Variants in HECW2 observed in about 807,000 individuals in gnomAD.
HECW2 encodes the protein HECT, C2 and WW domain containing E3 ubiquitin protein ligase 2.
A neutral mutation model predicts 175.2 loss-of-function variants in HECW2; 61 were observed. The ratio of observed to expected loss-of-function variants is 0.35; its 90% CI spans 0.28 to 0.43. The LOEUF is 0.43. Among genes scored for constraint, HECW2 ranks in the 20% least tolerant of loss-of-function variants. The pLI is 1.00. For synonymous variants in HECW2, 671 were observed against 731.0 expected, an observed-to-expected ratio of 0.92 and a Z score of 1.32; for missense variants, 1,524 against 2,000.5, an observed-to-expected ratio of 0.76 and a Z score of 4.54.
intron 1 of HECW2, among the ~76,000 whole-genome samples, chr2:196,527,406 C>A (rs1688703958): frequency 2.0e-5 from 3 of 152,332 alleles, no homozygotes; most frequent in East Asian, 3.9e-4. Flanking sequence ...GAACCCGGTA[C>A]CTCAGATGGA....
intron 1 of HECW2, among the ~76,000 whole-genome samples, chr2:196,563,204 A>G (rs777927282): frequency 3.3e-5 from 5 of 152,218 alleles, no homozygotes; most frequent in African/African-American, 4.8e-5. Flanking sequence ...TTTGTGTAAA[A>G]TGTCTAAACC....
intron 27 of HECW2, among the ~76,000 whole-genome samples, chr2:196,216,331 A>C (rs1263295717): frequency 6.6e-6 from 1 of 152,130 alleles, no homozygotes; most frequent in Non-Finnish European, 1.5e-5. Context: ...TCCTTGATCA[A>C]TGTCGGGTGA....
At chr2:196,224,479 C>CAAGA (rs1333145683) in intron 23 of HECW2, among the ~76,000 whole-genome samples, 1 of 151,748 alleles carries the variant, frequency 6.6e-6, no homozygotes, top group East Asian at 1.9e-4. Context: ...TCAGGTACAC[C>CAAGA]AAGACTTAAG....
At chr2:196,215,369 A>G (rs114855672) in intron 28 of HECW2, among the ~76,000 whole-genome samples, 136 of 152,262 alleles carry the variant, frequency 8.9e-4, no homozygotes, top group African/African-American at 3.1e-3. Flanking sequence ...TTTTTTTTCT[A>G]TTCTAAGGAA....
intron 13 of HECW2, among the ~76,000 whole-genome samples, chr2:196,296,813 C>A (rs971996025): frequency 6.6e-6 from 1 of 152,122 alleles, no homozygotes; most frequent in Admixed American, 6.5e-5. Flanking sequence ...TCCAAAGAGC[C>A]AAAAACACTA....
intron 1 of HECW2, among the ~76,000 whole-genome samples, chr2:196,476,631 T>C (rs1445449893): frequency 6.6e-6 from 1 of 152,200 alleles, no homozygotes; most frequent in Non-Finnish European, 1.5e-5. Flanking sequence ...AAGTAGATTT[T>C]TTTTAATCCA....
chr2:196,340,334 C>T (rs111937812), intron 3 of HECW2, among the ~76,000 whole-genome samples: 5 of 152,020 alleles, frequency 3.3e-5, no homozygotes, highest in African/African-American at 1.2e-4. Context: ...CGGTGGCTCA[C>T]GTCTGTAATC....
chr2:196,444,182 A>G (rs1696118346), intron 1 of HECW2, among the ~76,000 whole-genome samples: 1 of 152,244 alleles, frequency 6.6e-6, no homozygotes, highest in South Asian at 2.1e-4. Flanking sequence ...TGTGGAATAC[A>G]TCTCAAAACA....
intron 2 of HECW2, among the ~76,000 whole-genome samples, chr2:196,424,083 C>G (rs1441678165): frequency 1.3e-5 from 2 of 151,894 alleles, no homozygotes; most frequent in Non-Finnish European, 2.9e-5. Flanking sequence ...TCACATTTTG[C>G]TATTTATTGC....
At chr2:196,296,914 C>G (rs775976530) in intron 13 of HECW2, among the ~76,000 whole-genome samples, 2 of 152,194 alleles carry the variant, frequency 1.3e-5, no homozygotes, top group African/African-American at 2.4e-5. Context: ...CCTTTGTTCT[C>G]CTGGGGTTTA....
At chr2:196,532,542 G>A (rs1034948626) in intron 1 of HECW2, among the ~76,000 whole-genome samples, 1 of 152,008 alleles carries the variant, frequency 6.6e-6, no homozygotes. Flanking sequence ...ACGGGTTGAT[G>A]GGTGCATTAA....
intron 3 of HECW2, among the ~76,000 whole-genome samples, chr2:196,339,173 G>A (rs1422758668): frequency 6.6e-6 from 1 of 152,194 alleles, no homozygotes; most frequent in Non-Finnish European, 1.5e-5. Flanking sequence ...TGATATTGGT[G>A]GGAGGGGACT....
chr2:196,485,210 G>A (rs1025532815), intron 1 of HECW2, among the ~76,000 whole-genome samples: 1 of 152,178 alleles, frequency 6.6e-6, no homozygotes, highest in Non-Finnish European at 1.5e-5. Flanking sequence ...TGAGGTATCT[G>A]TGAAATACTG....
intron 4 of HECW2, among the ~76,000 whole-genome samples, chr2:196,330,001 T>C (rs1346390790): frequency 6.6e-6 from 1 of 152,180 alleles, no homozygotes; most frequent in Non-Finnish European, 1.5e-5. Context: ...AAACATCAAG[T>C]TCCTTCAGAT....
At chr2:196,220,748 T>C (rs376061485) in intron 25 of HECW2, 47 bp downstream of exon 25, 1 of 1,579,192 alleles carries the variant, frequency 6.3e-7, no homozygotes, top group Non-Finnish European at 8.7e-7. Context: ...GACTGTGGCA[T>C]CATTGATATC....
chr2:196,502,082 GTTTA>G (rs1687595102), intron 1 of HECW2, among the ~76,000 whole-genome samples: 1 of 152,066 alleles, frequency 6.6e-6, no homozygotes, highest in African/African-American at 2.4e-5. Context: ...ACGTAGTTTT[GTTTA>G]TTTTGTAAAA....
chr2:196,405,141 G>A (rs1047324174), intron 2 of HECW2, among the ~76,000 whole-genome samples: 1 of 151,782 alleles, frequency 6.6e-6, no homozygotes, highest in African/African-American at 2.4e-5. Context: ...CCTCCTGTTG[G>A]TAATATTTCT....
At chr2:196,373,291 T>A (rs1693955995) in intron 2 of HECW2, among the ~76,000 whole-genome samples, 1 of 152,220 alleles carries the variant, frequency 6.6e-6, no homozygotes, top group African/African-American at 2.4e-5. Context: ...TCAAGTAACA[T>A]CTTTGGAGAA....
chr2:196,421,008 T>A (rs1695393539), intron 2 of HECW2, among the ~76,000 whole-genome samples: 1 of 152,156 alleles, frequency 6.6e-6, no homozygotes, highest in African/African-American at 2.4e-5. Context: ...CAATTCATTA[T>A]ATGCTAACTC....
Sources: gnomAD v4.1 joint callset for allele counts (sites outside exome capture counted in the v4.1 genomes callset) on GRCh38, gnomAD v4.1.1 for gene constraint, MANE v1.5 for transcripts, NCBI Gene and HGNC (gene_info 2026-07-23, HGNC 2026-07-21) for gene names.